PPTC7: variants seen among roughly 807,000 people sequenced by gnomAD.
PPTC7 encodes protein phosphatase targeting COQ7, also known as protein phosphatase PTC7 homolog.
Under a neutral mutation model 30.8 loss-of-function variants are expected in PPTC7, and 6 were observed. That is an observed-to-expected ratio of 0.19 (90% CI 0.11 to 0.38). PPTC7 has a LOEUF of 0.38. PPTC7 is among the 10% of genes least tolerant of loss of function. The probability of loss-of-function intolerance (pLI) is 1.00; values close to 1 mark genes in which losing one functional copy is unlikely to be tolerated. For synonymous variants in PPTC7, 163 were observed against 168.1 expected, an observed-to-expected ratio of 0.97 and a Z score of 0.23; for missense variants, 218 against 404.8, an observed-to-expected ratio of 0.54 and a Z score of 3.96.
intron 5 of PPTC7, among the ~76,000 whole-genome samples, chr12:110,537,888 G>A (rs372038101): frequency 6.3e-4 from 96 of 152,370 alleles, no homozygotes; most frequent in South Asian, 2.3e-3. Flanking sequence ...CAAGCATTGC[G>A]GTGGCGGCAA....
intron 1 of PPTC7, among the ~76,000 whole-genome samples, chr12:110,567,555 C>G (rs2064495182): frequency 6.6e-6 from 1 of 152,204 alleles, no homozygotes; most frequent in African/African-American, 2.4e-5. Flanking sequence ...TCCTCTTTCT[C>G]TTTTATCCTC....
intron 1 of PPTC7, among the ~76,000 whole-genome samples, chr12:110,553,045 TG>T (rs1245900978): frequency 2.0e-5 from 3 of 151,844 alleles, no homozygotes; most frequent in Non-Finnish European, 4.4e-5. Flanking sequence ...TAGATGGGTG[TG>T]GTGGCAGGCA....
At chr12:110,553,390 AG>A (rs967218993) in intron 1 of PPTC7, among the ~76,000 whole-genome samples, 1 of 151,816 alleles carries the variant, frequency 6.6e-6, no homozygotes, top group Admixed American at 6.5e-5. Context: ...ATGATCTGCC[AG>A]CCTCGGCCTC....
chr12:110,573,033 C>T (rs1212083249), intron 1 of PPTC7, among the ~76,000 whole-genome samples: 1 of 152,172 alleles, frequency 6.6e-6, no homozygotes. Flanking sequence ...GCGCCCGACA[C>T]TACGCCCAGC....
chr12:110,579,908 G>C (rs1406951404), intron 1 of PPTC7, among the ~76,000 whole-genome samples: 2 of 152,036 alleles, frequency 1.3e-5, no homozygotes, highest in Non-Finnish European at 2.9e-5. Flanking sequence ...AGCTACTCAG[G>C]TGGCTGAGGC....
At chr12:110,582,048 C>A (rs148555784) in intron 1 of PPTC7, among the ~76,000 whole-genome samples, 1 of 152,166 alleles carries the variant, frequency 6.6e-6, no homozygotes, top group Admixed American at 6.5e-5. Context: ...TCTCCCACCC[C>A]CAAAAGGTAT....
chr12:110,556,943 G>C (rs1469837501), intron 1 of PPTC7, among the ~76,000 whole-genome samples: 13 of 152,178 alleles, frequency 8.5e-5, no homozygotes, highest in Admixed American at 8.5e-4. Context: ...GATAGGCCCT[G>C]GCAGGGGTCA....
intron 1 of PPTC7, among the ~76,000 whole-genome samples, chr12:110,553,318 T>A (rs1264452613): frequency 6.6e-6 from 1 of 151,790 alleles, no homozygotes; most frequent in Non-Finnish European, 1.5e-5. Context: ...CCTGGCTTTT[T>A]TGTATTTTTA....
chr12:110,540,375 G>T (rs1382156648), intron 3 of PPTC7, among the ~76,000 whole-genome samples: 1 of 122,862 alleles, frequency 8.1e-6, no homozygotes, highest in Non-Finnish European at 1.6e-5. Context: ...AGGCTGGAAT[G>T]CAGTGGCACG....
intron 1 of PPTC7, among the ~76,000 whole-genome samples, chr12:110,570,389 A>C (rs2064524439): frequency 2.3e-5 from 1 of 43,480 alleles, no homozygotes; most frequent in Non-Finnish European, 4.0e-5. Flanking sequence ...GTTTCTCCCC[A>C]TGTGATAGTC....
At chr12:110,537,297 A>G (rs1439364406) in intron 5 of PPTC7, among the ~76,000 whole-genome samples, 1 of 152,106 alleles carries the variant, frequency 6.6e-6, no homozygotes, top group Non-Finnish European at 1.5e-5. Flanking sequence ...ATGAAACTGA[A>G]GCTTAAAAAA....
At chr12:110,540,029 T>C in intron 3 of PPTC7, 84 bp from the exon 4 acceptor site, 2 of 1,202,758 alleles carry the variant, frequency 1.7e-6, no homozygotes, top group South Asian at 2.2e-5. Context: ...TATTTTACAA[T>C]GTAATAAGCT....
At chr12:110,573,346 G>A (rs556333743) in intron 1 of PPTC7, among the ~76,000 whole-genome samples, 3 of 152,268 alleles carry the variant, frequency 2.0e-5, no homozygotes, top group East Asian at 3.9e-4. Flanking sequence ...ACAAATAGAG[G>A]ACTGGTTTAG....
rs76406646 is a variant in PPTC7 at position 110,537,394 on chromosome 12, G to A, written c.857-299C>T. Among the ~76,000 whole-genome samples the A allele has an allele frequency of 6.8e-3, 1,042 of 152,190 alleles. 1 individual carries two copies. The highest frequency in any genetic ancestry group is 9.4e-3 in the Non-Finnish European group (637 of 68,016). On this transcript the variant is annotated intron_variant, in intron 5 of 5. Coordinates refer to ENST00000354300, the MANE Select transcript of PPTC7 (RefSeq NM_139283.2). ...TCACATCAATCACAGTGAATCTGAC[G>A]AGAAAGTTACATGCTTCTATACCCA... is the stretch of plus-strand genomic sequence containing the variant.
At chr12:110,548,152 A>G (rs1232822809) in intron 2 of PPTC7, among the ~76,000 whole-genome samples, 1 of 151,840 alleles carries the variant, frequency 6.6e-6, no homozygotes, top group East Asian at 1.9e-4. Context: ...GTACCTATGT[A>G]TTTACCTCAT....
At chr12:110,538,509 A>C (rs1044892472) in intron 4 of PPTC7, among the ~76,000 whole-genome samples, 1 of 152,016 alleles carries the variant, frequency 6.6e-6, no homozygotes, top group Non-Finnish European at 1.5e-5. Flanking sequence ...TTTTTTTCCC[A>C]TTTGAAATTC....
At chr12:110,574,987 G>T (rs571630917) in intron 1 of PPTC7, among the ~76,000 whole-genome samples, 1 of 140,556 alleles carries the variant, frequency 7.1e-6, no homozygotes, top group East Asian at 2.0e-4. Context: ...ATGGGGTTTC[G>T]TCATATTGGC....
chr12:110,540,800 G>C (rs1378494711), intron 3 of PPTC7, among the ~76,000 whole-genome samples: 1 of 149,292 alleles, frequency 6.7e-6, no homozygotes, highest in African/African-American at 2.5e-5. Context: ...TTTTGAGACA[G>C]AGTCTCGCTC....
chr12:110,537,250 TA>T (rs920594615), intron 5 of PPTC7, among the ~76,000 whole-genome samples, 155 bp from the exon 6 acceptor site: 2 of 150,472 alleles, frequency 1.3e-5, no homozygotes, highest in East Asian at 3.9e-4. Context: ...AATATTTGAT[TA>T]AAAAAAAACA....
Sources: gnomAD v4.1 joint callset for allele counts (sites outside exome capture counted in the v4.1 genomes callset) on GRCh38, gnomAD v4.1.1 for gene constraint, MANE v1.5 for transcripts, NCBI Gene and HGNC (gene_info 2026-07-23, HGNC 2026-07-21) for gene names.